Variants in RASGRF2 observed in about 807,000 individuals in gnomAD.
RASGRF2 encodes the protein Ras protein specific guanine nucleotide releasing factor 2.
A neutral mutation model predicts 151.0 loss-of-function variants in RASGRF2; 76 were observed. That is an observed-to-expected ratio of 0.50 (90% CI 0.42 to 0.61). RASGRF2 has a LOEUF of 0.61. RASGRF2 is among the 20% of genes least tolerant of loss of function. The pLI is 0.00. For missense variants in RASGRF2, 1,148 were observed against 1,564.6 expected, an observed-to-expected ratio of 0.73 and a Z score of 4.49; for synonymous variants, 504 against 566.5, an observed-to-expected ratio of 0.89 and a Z score of 1.57.
At chr5:80,971,564 G>C (rs939138064) in intron 1 of RASGRF2, among the ~76,000 whole-genome samples, 2 of 141,588 alleles carry the variant, frequency 1.4e-5, no homozygotes, top group African/African-American at 5.3e-5. Flanking sequence ...CACCACACCT[G>C]GTATTTTTTT....
intron 1 of RASGRF2, among the ~76,000 whole-genome samples, chr5:81,013,945 A>G (rs1443317561): frequency 3.9e-5 from 6 of 152,056 alleles, no homozygotes; most frequent in Non-Finnish European, 1.5e-5. Context: ...TGAGAGTGAG[A>G]ATGTTTTTAT....
chr5:81,032,739 G>A (rs1477810785), intron 1 of RASGRF2, among the ~76,000 whole-genome samples: 1 of 144,868 alleles, frequency 6.9e-6, no homozygotes, highest in African/African-American at 2.7e-5. Flanking sequence ...ACTGGCACAA[G>A]ACAGGGATGC....
intron 1 of RASGRF2, among the ~76,000 whole-genome samples, chr5:80,982,869 G>C (rs1748356131): frequency 6.6e-6 from 1 of 151,942 alleles, no homozygotes; most frequent in African/African-American, 2.4e-5. Flanking sequence ...CAAAGTGCTG[G>C]GATTACAGGT....
rs1756017562 is a variant in RASGRF2 at position 81,227,161 on chromosome 5, T to C, written c.*1391T>C. The C allele has an allele frequency of 6.6e-6, 1 of 152,238 alleles. No individual in the cohort carries two copies. The highest frequency in any genetic ancestry group is 1.5e-5 in the Non-Finnish European group (1 of 68,042). The allele number at this position is 152,238 out of a possible 1,614,324, so 9.4% of individuals were successfully genotyped here. A position where few individuals can be genotyped will look rare whatever the true frequency, so the allele number is the denominator to read the frequency against. On this transcript the variant is annotated 3_prime_UTR_variant, in exon 27 of 27. Transcript: ENST00000265080. ...ACTTATTGATGCTGACAATGAAAAA[T>C]GGATCTGTCTGGCTGCTTTCCCTCT...
intron 1 of RASGRF2, among the ~76,000 whole-genome samples, chr5:81,014,422 G>A (rs1287372493): frequency 2.0e-5 from 3 of 152,200 alleles, no homozygotes; most frequent in Non-Finnish European, 4.4e-5. Context: ...GAGAGCTTGT[G>A]CAGAAGAATG....
chr5:81,080,631 AT>A lies in RASGRF2; in HGVS notation c.1006del (p.Tyr336IlefsTer28). ...LFDILLPMLN[I>X]YQEFVRNHQY... ...TGATATTTTGCTCCCCATGCTGAAC[AT>A]TTATCAAGAATTTGTGCGTAATCAC... On this transcript the variant is annotated frameshift_variant, in exon 7 of 27. Coordinates refer to ENST00000265080, the MANE Select transcript of RASGRF2 (RefSeq NM_006909.3). LOFTEE classifies it high-confidence loss of function. 6.2e-7 allele frequency: 1 copy of A among 1,614,124 alleles called. No homozygotes were observed. Among genetic ancestry groups the A allele is most frequent in the African/African-American group, 1.3e-5 (1 of 75,040 alleles).
At chr5:81,205,998 C>T (rs148850634) in intron 19 of RASGRF2, among the ~76,000 whole-genome samples, 12 of 152,202 alleles carry the variant, frequency 7.9e-5, no homozygotes, top group African/African-American at 2.9e-4. Context: ...ATCTGCCCTC[C>T]TACTATTTTA....
chr5:81,053,573 C>A (rs925069962), intron 2 of RASGRF2, among the ~76,000 whole-genome samples: 11 of 152,152 alleles, frequency 7.2e-5, no homozygotes, highest in African/African-American at 2.4e-4. Flanking sequence ...GTGAATAGTG[C>A]TGCAATAAAC....
Position 81,112,720 on chromosome 5 carries a change from G to A in RASGRF2, c.1949G>A (p.Arg650Gln), listed in dbSNP as rs1342638168. Residue 650 changes from arginine (R) to glutamine (Q), a missense_variant, in exon 14 of 27, where the codon CGA becomes CAA. By Grantham distance (43) the Arg-to-Gln change is conservative. Transcript: ENST00000265080. ...RYASVERLLE[R>Q]LTDLRFLSID... ...GCCAGCGTGGAGCGCCTCTTGGAACGACTGACAGACTTGCGGTTTCTTAGT... is the reference window on the plus strand; with the variant it reads ...GCCAGCGTGGAGCGCCTCTTGGAACAACTGACAGACTTGCGGTTTCTTAGT... The A allele has an allele frequency of 1.9e-6, 3 of 1,614,184 alleles. No individual in the cohort carries two copies. Among genetic ancestry groups the A allele is most frequent in the East Asian group, 4.5e-5 (2 of 44,880 alleles).
chr5:81,155,316 AC>A (rs145206369), intron 17 of RASGRF2, among the ~76,000 whole-genome samples: 2,551 of 152,228 alleles, frequency 0.017, 88 homozygotes, highest in South Asian at 0.09. Flanking sequence ...AGCAGACCAA[AC>A]CCAAAGCAAA....
At chr5:81,009,058 C>T (rs986026478) in intron 1 of RASGRF2, among the ~76,000 whole-genome samples, 1 of 152,164 alleles carries the variant, frequency 6.6e-6, no homozygotes, top group African/African-American at 2.4e-5. Flanking sequence ...CAGTGGGAGT[C>T]CACTACTACC....
intron 13 of RASGRF2, among the ~76,000 whole-genome samples, chr5:81,109,501 C>G (rs1366998969): frequency 6.6e-6 from 1 of 152,154 alleles, no homozygotes; most frequent in Non-Finnish European, 1.5e-5. Flanking sequence ...CCCATCTCTA[C>G]TAAAAATACA....
intron 10 of RASGRF2, among the ~76,000 whole-genome samples, chr5:81,093,606 T>C (rs1024104572): frequency 1.3e-5 from 2 of 152,070 alleles, no homozygotes; most frequent in African/African-American, 4.8e-5. Flanking sequence ...GTAGAGACAA[T>C]GTCTTGCTAT....
At chr5:80,996,792 G>A (rs1042586324) in intron 1 of RASGRF2, among the ~76,000 whole-genome samples, 9 of 151,066 alleles carry the variant, frequency 6.0e-5, no homozygotes, top group Non-Finnish European at 1.2e-4. Context: ...TGGAGATGGG[G>A]TTTCACCATG....
intron 1 of RASGRF2, among the ~76,000 whole-genome samples, chr5:81,022,451 A>C (rs888414307): frequency 1.3e-5 from 2 of 152,160 alleles, no homozygotes. Context: ...CCATATTGTC[A>C]TGAGGCTTGG....
chr5:81,157,410 A>G (rs1176618175), intron 17 of RASGRF2, among the ~76,000 whole-genome samples: 1 of 152,178 alleles, frequency 6.6e-6, no homozygotes, highest in African/African-American at 2.4e-5. Flanking sequence ...AAAAAAAGCT[A>G]AAGTCCTATA....
At chr5:80,963,231 C>T (rs1263652970) in intron 1 of RASGRF2, among the ~76,000 whole-genome samples, 9 of 152,192 alleles carry the variant, frequency 5.9e-5, no homozygotes, top group African/African-American at 1.9e-4. Flanking sequence ...CACTGAGACA[C>T]GAAGGATCTG....
intron 2 of RASGRF2, among the ~76,000 whole-genome samples, chr5:81,064,807 A>G (rs1288198864): frequency 1.3e-5 from 2 of 152,230 alleles, no homozygotes; most frequent in Non-Finnish European, 2.9e-5. Context: ...ACTACCCACT[A>G]AAATATGGAA....
chr5:81,065,195 C>G (rs536223376), intron 2 of RASGRF2, among the ~76,000 whole-genome samples: 3 of 152,322 alleles, frequency 2.0e-5, no homozygotes, highest in Admixed American at 6.5e-5. Context: ...TCCTAATCCA[C>G]AGAAACTATG....
Sources: gnomAD v4.1 joint callset for allele counts (sites outside exome capture counted in the v4.1 genomes callset) on GRCh38, gnomAD v4.1.1 for gene constraint, MANE v1.5 for transcripts, NCBI Gene and HGNC (gene_info 2026-07-23, HGNC 2026-07-21) for gene names.